Variants in DNAJC15 observed in about 807,000 individuals in gnomAD.
DNAJC15 encodes dnaJ homolog subfamily C member 15.
A neutral mutation model predicts 22.4 loss-of-function variants in DNAJC15; 27 were observed. The ratio of observed to expected loss-of-function variants is 1.20; its 90% CI spans 0.89 to 1.66. DNAJC15 has a LOEUF of 1.66. DNAJC15 is among the 40% of genes most tolerant of loss of function. The pLI, the probability that DNAJC15 is intolerant of heterozygous loss-of-function variation, is 0.00. For synonymous variants in DNAJC15, 79 were observed against 63.2 expected, an observed-to-expected ratio of 1.25 and a Z score of -1.19; for missense variants, 208 against 187.1, an observed-to-expected ratio of 1.11 and a Z score of -0.65.
intron 5 of DNAJC15, among the ~76,000 whole-genome samples, chr13:43,101,351 G>A (rs4635231): frequency 0.25 from 37,435 of 152,166 alleles, 4,968 homozygotes; most frequent in Non-Finnish European, 0.31. Context: ...AATTTAATCC[G>A]GTGCGACAGC....
chr13:43,068,795 T>C (rs2040594847), intron 2 of DNAJC15, 135 bp from the exon 3 acceptor site: 1 of 690,532 alleles, frequency 1.4e-6, no homozygotes, highest in Non-Finnish European at 2.1e-6. Flanking sequence ...ATTGACCATC[T>C]TTCTGGTAAG....
At position 43,111,249 on chromosome 13, in the gene DNAJC15, ATACT is replaced by A. The variant is rs1270926785; in HGVS notation, c.*4006_*4009del. ...ATTTTAGACATTCAGCAAATATTGA[ATACT>A]TACTATATCAGGCAGTAAAGATATA... On this transcript the variant is annotated 3_prime_UTR_variant, in exon 6 of 6. Coordinates refer to ENST00000379221, the MANE Select transcript of DNAJC15 (RefSeq NM_013238.3). The A allele has an allele frequency of 2.0e-5, 3 of 152,222 alleles. No individual in the cohort carries two copies. Among genetic ancestry groups the A allele is most frequent in the African/African-American group, 7.2e-5 (3 of 41,462 alleles). The allele number at this position is 152,222 out of a possible 1,614,324, so 9.4% of individuals were successfully genotyped here. A position where few individuals can be genotyped will look rare whatever the true frequency, so the allele number is the denominator to read the frequency against.
intron 1 of DNAJC15, among the ~76,000 whole-genome samples, chr13:43,030,744 A>T (rs2040400856): frequency 6.6e-6 from 1 of 152,238 alleles, no homozygotes; most frequent in South Asian, 2.1e-4. Context: ...GGAACTCCCC[A>T]GCAGTGGAGA....
At chr13:43,084,803 T>C (rs750165033) in intron 4 of DNAJC15, among the ~76,000 whole-genome samples, 8 of 152,128 alleles carry the variant, frequency 5.3e-5, no homozygotes, top group Non-Finnish European at 1.2e-4. Flanking sequence ...AGCATAGGCT[T>C]TAACAGCCAA....
At chr13:43,099,608 T>C (rs1247744783) in intron 5 of DNAJC15, among the ~76,000 whole-genome samples, 1 of 152,198 alleles carries the variant, frequency 6.6e-6, no homozygotes, top group Non-Finnish European at 1.5e-5. Context: ...TGTTGAATCT[T>C]GTCAAATGCT....
rs377109180 is a variant in DNAJC15 at position 43,107,745 on chromosome 13, A to G, written c.*497A>G. On this transcript the variant is annotated 3_prime_UTR_variant, in exon 6 of 6. Coordinates refer to ENST00000379221, the MANE Select transcript of DNAJC15 (RefSeq NM_013238.3). The stretch of plus-strand genomic sequence containing the variant: ...TCTTGGAGATATGATCTGAAATGTA[A>G]TGGAATTTATTAAATGGTGTTTAGT... 6.6e-6 allele frequency: 1 copy of G among 152,280 alleles called. No individual in the cohort carries two copies. Among genetic ancestry groups the G allele is most frequent in the African/African-American group, 2.4e-5 (1 of 41,552 alleles). The allele number at this position is 152,280 out of a possible 1,614,324, so 9.4% of individuals were successfully genotyped here.
chr13:43,060,156 C>T (rs572933997), intron 1 of DNAJC15, among the ~76,000 whole-genome samples: 1 of 151,870 alleles, frequency 6.6e-6, no homozygotes, highest in Admixed American at 6.6e-5. Context: ...AGTGTTGGAG[C>T]GGCGAAAAAT....
chr13:43,030,393 T>C (rs2040399021), intron 1 of DNAJC15, among the ~76,000 whole-genome samples: 1 of 152,194 alleles, frequency 6.6e-6, no homozygotes, highest in Admixed American at 6.5e-5. Context: ...ATATAGCATC[T>C]GGCACACATT....
intron 2 of DNAJC15, 65 bp downstream of exon 2, chr13:43,065,802 T>C (rs1246185824): frequency 2.3e-5 from 33 of 1,416,728 alleles, no homozygotes; most frequent in Non-Finnish European, 3.3e-5. Context: ...TCTACAGTGA[T>C]TCATGAGTAG....
intron 5 of DNAJC15, among the ~76,000 whole-genome samples, chr13:43,106,133 G>C (rs1343029771): frequency 6.6e-6 from 1 of 152,140 alleles, no homozygotes. Flanking sequence ...CCAGAAAAAA[G>C]TCAGAACAAT....
rs959804511 is a variant in DNAJC15, at chr13:43,113,384, A to G, written c.*6136A>G. Reference sequence around the variant, plus strand: ...CAATTTTGAACAGGGTTATTTGTCCATGCCATACTTTTTTTGCCAAATTCC... The same window carrying G: ...CAATTTTGAACAGGGTTATTTGTCCGTGCCATACTTTTTTTGCCAAATTCC... On this transcript the variant is annotated 3_prime_UTR_variant, in exon 6 of 6. Transcript: ENST00000379221. 2.6e-5 allele frequency: 4 copies of G among 152,176 alleles called. No homozygotes were observed. The highest frequency in any genetic ancestry group is 5.9e-5 in the Non-Finnish European group (4 of 68,022). The allele number at this position is 152,176 out of a possible 1,614,324, so 9.4% of individuals were successfully genotyped here. A position where few individuals can be genotyped will look rare whatever the true frequency, so the allele number is the denominator to read the frequency against.
Position 43,107,471 on chromosome 13 carries a change from G to A in DNAJC15, c.*223G>A. On this transcript the variant is annotated 3_prime_UTR_variant, in exon 6 of 6. Coordinates refer to ENST00000379221, the MANE Select transcript of DNAJC15 (RefSeq NM_013238.3). ...TATAACTGATCTTTTTTCTTATTTT[G>A]TTTGTGACATTCATACATTTTTAAG... 1 of 311,182 alleles carries A rather than the reference G, an allele frequency of 3.2e-6. No homozygotes were observed. The highest frequency in any genetic ancestry group is 5.8e-6 in the Non-Finnish European group (1 of 172,228). The allele number at this position is 311,182 out of a possible 1,614,324, so 19.3% of individuals were successfully genotyped here. A position where few individuals can be genotyped will look rare whatever the true frequency, so the allele number is the denominator to read the frequency against.
At chr13:43,055,960 A>G (rs1362312129) in intron 1 of DNAJC15, among the ~76,000 whole-genome samples, 2 of 152,114 alleles carry the variant, frequency 1.3e-5, no homozygotes. Context: ...TTCAGTTCAA[A>G]TACTTTTTTA....
intron 1 of DNAJC15, among the ~76,000 whole-genome samples, chr13:43,051,597 G>A (rs1234909121): frequency 2.0e-5 from 3 of 151,800 alleles, no homozygotes; most frequent in East Asian, 1.9e-4. Context: ...TGCAAATGCC[G>A]TTATTTGTTC....
At chr13:43,034,854 A>G (rs1243683453) in intron 1 of DNAJC15, among the ~76,000 whole-genome samples, 2 of 151,938 alleles carry the variant, frequency 1.3e-5, no homozygotes, top group African/African-American at 4.8e-5. Flanking sequence ...CTCTAGGCTC[A>G]TTTTGTGTAT....
rs34398144 is a variant in DNAJC15 at position 43,024,893 on chromosome 13, T to TAAAAA, written c.108+1173_108+1177dup. 1.5e-3 allele frequency among the ~76,000 whole-genome samples: 129 copies of TAAAAA among 85,954 alleles called. 14 individuals are homozygous for TAAAAA. Among genetic ancestry groups the TAAAAA allele is most frequent in the South Asian group, 8.0e-3 (17 of 2,132 alleles). The allele number at this position is 85,954 out of a possible 152,430, so 56.4% of individuals were successfully genotyped here. A position where few individuals can be genotyped will look rare whatever the true frequency, so the allele number is the denominator to read the frequency against. On this transcript the variant is annotated intron_variant, in intron 1 of 5. Coordinates refer to ENST00000379221, the MANE Select transcript of DNAJC15 (RefSeq NM_013238.3). ...GCAACACAGGAGACCCCATCTCTGC[T>TAAAAA]AAAAAAAAAAAAAAAAAATTAGCTG...
At chr13:43,036,444 G>A (rs143776105) in intron 1 of DNAJC15, among the ~76,000 whole-genome samples, 1 of 152,314 alleles carries the variant, frequency 6.6e-6, no homozygotes, top group African/African-American at 2.4e-5. Context: ...TGGAGGAAGT[G>A]CATGTTGATT....
chr13:43,072,865 A>G (rs780417228), intron 3 of DNAJC15, among the ~76,000 whole-genome samples: 17 of 152,140 alleles, frequency 1.1e-4, no homozygotes, highest in Non-Finnish European at 2.1e-4. Flanking sequence ...CGCCCGGCCA[A>G]CGTTAGTAAT....
chr13:43,069,057 A>G, intron 3 of DNAJC15, 54 bp downstream of exon 3: 1 of 1,516,324 alleles, frequency 6.6e-7, no homozygotes. Context: ...TGTTCATATG[A>G]CATATTTCAA....
Sources: gnomAD v4.1 joint callset for allele counts (sites outside exome capture counted in the v4.1 genomes callset) on GRCh38, gnomAD v4.1.1 for gene constraint, MANE v1.5 for transcripts, NCBI Gene and HGNC (gene_info 2026-07-23, HGNC 2026-07-21) for gene names.